The following FAM221B variants were observed in gnomAD, a reference collection of about 807,000 sequenced individuals.
FAM221B encodes family with sequence similarity 221 member B, also known as protein FAM221B.
FAM221B carries 35 observed loss-of-function variants against 39.8 expected under a neutral mutation model. The observed-to-expected ratio is 0.88, with a 90% CI of 0.67 to 1.17. The LOEUF (loss-of-function observed/expected upper bound fraction) is 1.17. FAM221B is among the 50% of genes most tolerant of loss of function. The probability of loss-of-function intolerance (pLI) is 0.00; values close to 1 mark genes in which losing one functional copy is unlikely to be tolerated. For missense variants in FAM221B, 479 were observed against 503.1 expected, an observed-to-expected ratio of 0.95 and a Z score of 0.46; for synonymous variants, 158 against 178.1, an observed-to-expected ratio of 0.89 and a Z score of 0.90.
intron 3 of FAM221B, 70 bp from the exon 4 acceptor site, chr9:35,820,070 C>A: frequency 8.9e-7 from 1 of 1,124,326 alleles, no homozygotes; most frequent in East Asian, 2.4e-5. Context: ...TTACCTATCC[C>A]TTGATGGAGG....
chr9:35,818,366 C>CT lies in FAM221B; in HGVS notation c.*102dup. 3.6e-6 allele frequency: 4 copies of CT among 1,112,812 alleles called. No individual in the cohort carries two copies. The highest frequency in any genetic ancestry group is 2.7e-5 in the South Asian group (2 of 74,886). The allele number at this position is 1,112,812 out of a possible 1,614,324, so 68.9% of individuals were successfully genotyped here. Reference sequence around the variant, plus strand: ...CTCCTGTGTCTAATAGGTGTCAACTCTAAGTTATTAGGCAGTCTCTCCCTG... The same window carrying CT: ...CTCCTGTGTCTAATAGGTGTCAACTCTTAAGTTATTAGGCAGTCTCTCCCTG... On this transcript the variant is annotated 3_prime_UTR_variant, in exon 7 of 7. Transcript: ENST00000423537.
Position 35,818,921 on chromosome 9 carries a change from C to G in FAM221B, c.1140G>C (p.Gln380His), listed in dbSNP as rs561556076. Residue 380 changes from glutamine (Q) to histidine (H), a missense_variant, in exon 6 of 7, where the codon CAG becomes CAC. Transcript: ENST00000423537. ...GCCTTCCTCCTCGTTGCCGGGTCTTCTGGGTGTCAAAGAAAGTCTCGTGTT... is the reference window on the plus strand; with the variant it reads ...GCCTTCCTCCTCGTTGCCGGGTCTTGTGGGTGTCAAAGAAAGTCTCGTGTT... Reference protein sequence around the residue: ...WEEHETFFDTQKTRQRGGRPR... With the variant: ...WEEHETFFDTHKTRQRGGRPR... 6.4e-6 allele frequency: 10 copies of G among 1,551,970 alleles called. No homozygotes were observed. Among genetic ancestry groups the G allele is most frequent in the Non-Finnish European group, 8.7e-6 (10 of 1,147,060 alleles).
Position 35,826,065 on chromosome 9 carries a change from T to C in FAM221B, c.97A>G (p.Asn33Asp). ...TTCAAGAAGCTTTCAGAGATATGGT[T>C]CTCCTGTAAGTCCTCAGCAGAGGGG... ...KDPSAEDLQENHISESFLKPS... is the reference protein window; with the variant it reads ...KDPSAEDLQEDHISESFLKPS... The change falls in exon 2 of 7, where the codon AAC (asparagine) becomes GAC (aspartate). Residue 33 changes from asparagine (N) to aspartate (D), a missense_variant. Coordinates refer to ENST00000423537, the MANE Select transcript of FAM221B (RefSeq NM_001012446.4). The C allele has an allele frequency of 1.2e-6, 2 of 1,613,996 alleles. No individual in the cohort carries two copies. Among genetic ancestry groups the C allele is most frequent in the Non-Finnish European group, 8.5e-7 (1 of 1,179,956 alleles).
chr9:35,827,207 A>C (rs1588100867), intron 1 of FAM221B, among the ~76,000 whole-genome samples: 1 of 152,318 alleles, frequency 6.6e-6, no homozygotes, highest in Admixed American at 6.5e-5. Flanking sequence ...ATCTTCAAAT[A>C]GGCACCAATA....
At chr9:35,824,705 G>A (rs1346882819) in intron 3 of FAM221B, among the ~76,000 whole-genome samples, 3 of 145,166 alleles carry the variant, frequency 2.1e-5, no homozygotes, top group African/African-American at 5.1e-5. Context: ...TTTTTGAGAC[G>A]GAGTCTCGCT....
At position 35,818,790 on chromosome 9, in the gene FAM221B, G is replaced by T; in HGVS notation, c.1171+100C>A. On this transcript the variant is annotated intron_variant, in intron 6 of 6. Transcript: ENST00000423537. ...GTGGGGAGGTGGGCTGAGGGAGCGC[G>T]CTAGTCCTGGAAGGGATGGTTGAGG... is the stretch of plus-strand genomic sequence containing the variant. 7 of 1,487,022 alleles carry T rather than the reference G, an allele frequency of 4.7e-6. No individual in the cohort carries two copies. In the South Asian group the frequency reaches 8.8e-5, roughly 19 times the overall value. 92.1% of individuals were successfully genotyped at this position (1,487,022 alleles called of 1,614,324 possible). A position where few individuals can be genotyped will look rare whatever the true frequency, so the allele number is the denominator to read the frequency against.
At chr9:35,822,814 C>G (rs1449860089) in intron 3 of FAM221B, among the ~76,000 whole-genome samples, 1 of 152,210 alleles carries the variant, frequency 6.6e-6, no homozygotes, top group African/African-American at 2.4e-5. Flanking sequence ...TCCATACCTC[C>G]TCTCTTAGCC....
Position 35,825,152 on chromosome 9 carries a change from G to A in FAM221B, c.742+78C>T. The A allele has an allele frequency of 6.5e-7, 1 of 1,546,288 alleles. No individual in the cohort carries two copies. The highest frequency in any genetic ancestry group is 8.8e-7 in the Non-Finnish European group (1 of 1,131,452). On this transcript the variant is annotated intron_variant, in intron 3 of 6. Transcript: ENST00000423537. The surrounding 1 kb of genome is among the most constrained non-coding windows in gnomAD (Gnocchi z 4.2). ...CAAAAGGGGAAGCTATCTGCTGAAT[G>A]TTCAGGTTCCCAGATCTTTTGGATT...
intron 3 of FAM221B, chr9:35,821,342 T>A (rs1829145981): frequency 1.1e-6 from 1 of 895,862 alleles, no homozygotes; most frequent in Non-Finnish European, 1.6e-6. Flanking sequence ...TGAGGTTCCA[T>A]AACATGAATA....
At chr9:35,823,792 G>C (rs1446665370) in intron 3 of FAM221B, among the ~76,000 whole-genome samples, 1 of 152,076 alleles carries the variant, frequency 6.6e-6, no homozygotes, top group African/African-American at 2.4e-5. Flanking sequence ...AGCCTACTAA[G>C]TAGCTGGGGC....
chr9:35,819,197 C>A lies in FAM221B; in HGVS notation c.1051G>T (p.Gly351Cys), dbSNP rs983760809. ...ATACACCTCTTGCCCTAGAAGTTAC[C>A]ATGATGCCTGCAGGGATGGGGCCCA... ...ATGPHPCRHH[G>C]CCCGCFESNF... is the part of the protein sequence containing the mutation. The change falls in exon 5 of 7, where the codon GGC becomes TGC. Residue 351 changes from glycine (G) to cysteine (C), a missense_variant and splice_region_variant. Physicochemically the swap from Gly to Cys is radical, Grantham distance 159 (BLOSUM62 -3). Coordinates refer to ENST00000423537, the MANE Select transcript of FAM221B (RefSeq NM_001012446.4). The A allele has an allele frequency of 5.8e-6, 9 of 1,550,770 alleles. No homozygotes were observed. The African/African-American group carries it at 1.1e-4, about 19-fold the overall frequency.
chr9:35,819,771 C>T (rs2132137794), intron 4 of FAM221B, 119 bp downstream of exon 4: 2 of 699,030 alleles, frequency 2.9e-6, no homozygotes, highest in South Asian at 1.8e-5. Context: ...TCCCAAAGTG[C>T]TGGGATTACA....
rs1206969887 is a variant in FAM221B, at chr9:35,826,060, A to G, written c.102T>C (p.His34=). ...DPSAEDLQEN[H]ISESFLKPST... is the part of the protein sequence containing the mutation. ...AAGGCTTCAAGAAGCTTTCAGAGAT[A>G]TGGTTCTCCTGTAAGTCCTCAGCAG... The change falls in exon 2 of 7, where the codon CAT becomes CAC. Residue 34 remains histidine (H), a synonymous_variant. Coordinates refer to ENST00000423537, the MANE Select transcript of FAM221B (RefSeq NM_001012446.4). 2 of 1,614,114 alleles carry G rather than the reference A, an allele frequency of 1.2e-6. No homozygotes were observed. Among genetic ancestry groups the G allele is most frequent in the East Asian group, 4.5e-5 (2 of 44,880 alleles).
chr9:35,818,875 A>C lies in FAM221B; in HGVS notation c.1171+15T>G. ...AGACCCTGGAATGGCCCCCTGTCCCAGGTTTCTGCCTCACCGCGAGGCCTT... is the reference window on the plus strand; with the variant it reads ...AGACCCTGGAATGGCCCCCTGTCCCCGGTTTCTGCCTCACCGCGAGGCCTT... On this transcript the variant is annotated intron_variant, in intron 6 of 6. Coordinates refer to ENST00000423537, the MANE Select transcript of FAM221B (RefSeq NM_001012446.4). 6.4e-7 allele frequency: 1 copy of C among 1,551,488 alleles called. No homozygotes were observed. Among genetic ancestry groups the C allele is most frequent in the Non-Finnish European group, 8.7e-7 (1 of 1,147,024 alleles).
rs546166280 is a variant in FAM221B, at chr9:35,826,100, G to C, written c.62C>G (p.Pro21Arg). ...HITMDAEKHP[P>R]SKDPSAEDLQ... is the part of the protein sequence containing the mutation. ...GTCCTCAGCAGAGGGGTCCTTTGAA[G>C]GGGGGTGCTTCTCTGCATCCATGGT... The change falls in exon 2 of 7, where the codon CCT becomes CGT. Residue 21 changes from proline (P) to arginine (R), a missense_variant. Physicochemically the swap from Pro to Arg is moderately radical, Grantham distance 103. Coordinates refer to ENST00000423537, the MANE Select transcript of FAM221B (RefSeq NM_001012446.4). 2 of 1,612,260 alleles carry C rather than the reference G, an allele frequency of 1.2e-6. No individual in the cohort carries two copies. The highest frequency in any genetic ancestry group is 1.3e-5 in the African/African-American group (1 of 74,790).
Position 35,828,618 on chromosome 9 carries a change from T to C in FAM221B, c.-156A>G. 5 of 985,552 alleles carry C rather than the reference T, an allele frequency of 5.1e-6. No homozygotes were observed. Among genetic ancestry groups the C allele is most frequent in the Non-Finnish European group, 6.0e-6 (5 of 829,974 alleles). 61.1% of individuals were successfully genotyped at this position (985,552 alleles called of 1,614,324 possible). On this transcript the variant is annotated 5_prime_UTR_variant, in exon 1 of 7. Transcript: ENST00000423537. The surrounding 1 kb of genome is among the most constrained non-coding windows in gnomAD (Gnocchi z 4.5). Reference sequence around the variant, plus strand: ...TGTTGAAATGCCTTGCCTGAAAGTCTGCTATCTGGGAAGGGGACTTGGATA... The same window carrying C: ...TGTTGAAATGCCTTGCCTGAAAGTCCGCTATCTGGGAAGGGGACTTGGATA...
intron 3 of FAM221B, 88 bp from the exon 4 acceptor site, chr9:35,820,088 G>A: frequency 3.3e-6 from 3 of 909,374 alleles, no homozygotes; most frequent in East Asian, 5.1e-5. Context: ...AGGTGAGGGG[G>A]TGGGGGGAAC....
chr9:35,818,657 A>G (rs190986475), intron 6 of FAM221B, among the ~76,000 whole-genome samples, 151 bp from the exon 7 acceptor site: 4 of 152,334 alleles, frequency 2.6e-5, no homozygotes, highest in Admixed American at 2.6e-4. Context: ...CCTAGAAGTC[A>G]GAGTTGCTGA....
chr9:35,828,477 C>G lies in FAM221B; in HGVS notation c.-15G>C. ...AAACCACCTACCCTCTGGGCTTTGGCTTGGTTGTTACAAGTCCTTAGGTCA... is the reference window on the plus strand; with the variant it reads ...AAACCACCTACCCTCTGGGCTTTGGGTTGGTTGTTACAAGTCCTTAGGTCA... On this transcript the variant is annotated 5_prime_UTR_variant, in exon 1 of 7. Transcript: ENST00000423537. The surrounding 1 kb of genome is among the most constrained non-coding windows in gnomAD (Gnocchi z 4.5). 5 of 985,358 alleles carry G rather than the reference C, an allele frequency of 5.1e-6. No homozygotes were observed. The highest frequency in any genetic ancestry group is 6.0e-6 in the Non-Finnish European group (5 of 829,942). The allele number at this position is 985,358 out of a possible 1,614,324, so 61.0% of individuals were successfully genotyped here. A position where few individuals can be genotyped will look rare whatever the true frequency, so the allele number is the denominator to read the frequency against.
Sources: gnomAD v4.1 joint callset for allele counts (sites outside exome capture counted in the v4.1 genomes callset) on GRCh38, gnomAD v4.1.1 for gene constraint, Gnocchi (gnomAD v3.1) non-coding constraint, MANE v1.5 for transcripts, NCBI Gene and HGNC (gene_info 2026-07-23, HGNC 2026-07-21) for gene names.